The following PTPN13 variants were observed in gnomAD, a reference collection of about 807,000 sequenced individuals.
PTPN13 encodes tyrosine-protein phosphatase non-receptor type 13.
Under a neutral mutation model 284.0 loss-of-function variants are expected in PTPN13, and 191 were observed. That is an observed-to-expected ratio of 0.67 (90% CI 0.60 to 0.76). The LOEUF is 0.76. Ranked by LOEUF, PTPN13 falls within the 30% of genes least tolerant of loss-of-function variation. The probability of loss-of-function intolerance (pLI) is 0.00; values close to 1 mark genes in which losing one functional copy is unlikely to be tolerated. For missense variants in PTPN13, 2,797 were observed against 2,939.9 expected (o/e 0.95, Z 1.12); for synonymous variants, 986 against 1,022.3 (o/e 0.96, Z 0.68).
At chr4:86,757,713 G>A (rs1012125693) in intron 20 of PTPN13, among the ~76,000 whole-genome samples, 2 of 147,454 alleles carry the variant, frequency 1.4e-5, no homozygotes, top group South Asian at 2.1e-4. Flanking sequence ...ACAGTGAGCT[G>A]TGATTATGCC....
chr4:86,612,448 C>T (rs1720006099), intron 1 of PTPN13, among the ~76,000 whole-genome samples: 1 of 152,104 alleles, frequency 6.6e-6, no homozygotes, highest in East Asian at 1.9e-4. Flanking sequence ...CTTTAAGTAG[C>T]TCAACATATG....
intron 2 of PTPN13, among the ~76,000 whole-genome samples, chr4:86,662,579 C>G (rs898490396): frequency 3.9e-5 from 6 of 152,152 alleles, no homozygotes; most frequent in Admixed American, 3.9e-4. Context: ...ATCCACCTGC[C>G]TCGGCCTCCC....
rs1739113814 is a variant in PTPN13, at chr4:86,764,888, T to G, written c.4149+164T>G. On this transcript the variant is annotated intron_variant, in intron 25 of 47. Transcript: ENST00000411767. ...CTAAAAACTATTTTAAAAATTGTGTTAGTCACTTTTTCCTGTGATTTTAAA... is the reference window on the plus strand; with the variant it reads ...CTAAAAACTATTTTAAAAATTGTGTGAGTCACTTTTTCCTGTGATTTTAAA... The G allele has an allele frequency of 9.6e-6, 8 of 836,672 alleles. No individual in the cohort carries two copies. In the East Asian group the frequency reaches 9.7e-5, roughly 10 times the overall value. 51.8% of individuals were successfully genotyped at this position (836,672 alleles called of 1,614,324 possible).
Position 86,722,347 on chromosome 4 carries a change from C to T in PTPN13, c.1521C>T (p.Asp507=), listed in dbSNP as rs564742955. Residue 507 remains aspartate, a synonymous_variant, in exon 10 of 48, where the codon GAC becomes GAT. Transcript: ENST00000411767. ...RQSRLSLYPG[D]TIKASMLDIT... ...CTCGGTTGAGCCTATATCCAGGAGA[C>T]ACAATCAAAGCGTCCATGCTTGACA... The T allele has an allele frequency of 4.2e-5, 68 of 1,613,660 alleles. No individual in the cohort carries two copies. In the Admixed American group the frequency reaches 1.1e-3, roughly 26 times the overall value.
intron 28 of PTPN13, among the ~76,000 whole-genome samples, chr4:86,768,186 A>T (rs1243536443): frequency 1.3e-5 from 2 of 152,248 alleles, no homozygotes; most frequent in African/African-American, 4.8e-5. Context: ...TAATAAAGTC[A>T]TGCATGATTA....
intron 2 of PTPN13, among the ~76,000 whole-genome samples, chr4:86,665,162 C>T (rs1003336589): frequency 1.3e-5 from 2 of 152,120 alleles, no homozygotes; most frequent in Non-Finnish European, 2.9e-5. Flanking sequence ...TGATCAGTAG[C>T]CATACCAGCA....
chr4:86,616,114 C>T (rs2148642378), intron 1 of PTPN13, among the ~76,000 whole-genome samples: 1 of 152,270 alleles, frequency 6.6e-6, no homozygotes, highest in East Asian at 1.9e-4. Context: ...TATTGAGAAT[C>T]TGTTGTGTAC....
In PTPN13 at chr4:86,803,738, G is replaced by T; in HGVS notation, c.6535G>T (p.Ala2179Ser). ...DHSFLTNDEL[A>S]VLPVVKVLPS... ...TTCCTTTCTGACAAACGATGAGCTC[G>T]CTGTACTCCCTGTCGTCAAAGTGCT... Residue 2179 changes from alanine to serine, a missense_variant, in exon 43 of 48, where the codon GCT becomes TCT. Physicochemically the swap from Ala to Ser is moderately conservative, Grantham distance 99. Transcript: ENST00000411767. The T allele has an allele frequency of 6.2e-7, 1 of 1,613,660 alleles. No individual in the cohort carries two copies. The highest frequency in any genetic ancestry group is 8.5e-7 in the Non-Finnish European group (1 of 1,179,704).
Position 86,805,254 on chromosome 4 carries a change from A to G in PTPN13, c.6655-25A>G, listed in dbSNP as rs773406004. 11 of 1,477,894 alleles carry G rather than the reference A, an allele frequency of 7.4e-6. No individual in the cohort carries two copies. The Admixed American group carries it at 1.3e-4, about 18-fold the overall frequency. 91.5% of individuals were successfully genotyped at this position (1,477,894 alleles called of 1,614,324 possible). On this transcript the variant is annotated intron_variant, in intron 43 of 47. Coordinates refer to ENST00000411767, the MANE Select transcript of PTPN13 (RefSeq NM_080683.3). ...ACTGAATTACTGCTTATCTCAACAA[A>G]TTTATTTCCATGTTTTGCTTACAGA...
chr4:86,625,155 T>C (rs1293546459), intron 1 of PTPN13, among the ~76,000 whole-genome samples: 1 of 152,140 alleles, frequency 6.6e-6, no homozygotes, highest in Non-Finnish European at 1.5e-5. Context: ...TGACTTTACC[T>C]ATTGCTTACC....
chr4:86,727,265 T>A (rs1734384708), intron 10 of PTPN13, among the ~76,000 whole-genome samples: 1 of 149,694 alleles, frequency 6.7e-6, no homozygotes, highest in Admixed American at 6.7e-5. Flanking sequence ...GATATTGGTC[T>A]AAAATTCTCT....
At position 86,791,200 on chromosome 4, in the gene PTPN13, C is replaced by G. The variant is rs186898381; in HGVS notation, c.6345+5264C>G. ...CAGACCAGGAGATACTGTCCCATGT[C>G]TGGCTCAGCGGGTCCCAAGCCCACG... On this transcript the variant is annotated intron_variant, in intron 40 of 47. Transcript: ENST00000411767. Among the ~76,000 whole-genome samples the G allele has an allele frequency of 2.2e-3, 342 of 152,352 alleles. 1 individual carries two copies. The highest frequency in any genetic ancestry group is 3.7e-3 in the Non-Finnish European group (252 of 68,036).
At chr4:86,623,240 A>C (rs1019517441) in intron 1 of PTPN13, among the ~76,000 whole-genome samples, 1 of 152,118 alleles carries the variant, frequency 6.6e-6, no homozygotes, top group African/African-American at 2.4e-5. Context: ...GCAGTGGAAG[A>C]AAAGTTTGTT....
chr4:86,618,192 C>T (rs1338650216), intron 1 of PTPN13, among the ~76,000 whole-genome samples: 1 of 152,074 alleles, frequency 6.6e-6, no homozygotes, highest in East Asian at 1.9e-4. Flanking sequence ...GAATCGTTTC[C>T]CCATTTCTTG....
At chr4:86,800,107 G>A (rs1202478556) in intron 42 of PTPN13, among the ~76,000 whole-genome samples, 2 of 151,786 alleles carry the variant, frequency 1.3e-5, no homozygotes, top group African/African-American at 4.8e-5. Context: ...CAAAGTGCTG[G>A]GATTACAGGC....
intron 13 of PTPN13, 50 bp downstream of exon 13, chr4:86,734,506 G>T: frequency 7.0e-7 from 1 of 1,436,288 alleles, no homozygotes; most frequent in South Asian, 1.5e-5. Context: ...CTGGTCTTTT[G>T]ACCCTTTAGC....
Position 86,628,377 on chromosome 4 carries a change from T to A in PTPN13, c.-5-6875T>A, listed in dbSNP as rs553120766. 9.2e-5 allele frequency among the ~76,000 whole-genome samples: 14 copies of A among 152,258 alleles called. 1 individual carries two copies. The South Asian group carries it at 2.9e-3, about 32-fold the overall frequency. On this transcript the variant is annotated intron_variant, in intron 1 of 47. Coordinates refer to ENST00000411767, the MANE Select transcript of PTPN13 (RefSeq NM_080683.3). ...TTTGCCAGCCGTATATCTTCTCTGATGTCCATTCAAATCTAAAAAAAACTG... is the reference window on the plus strand; with the variant it reads ...TTTGCCAGCCGTATATCTTCTCTGAAGTCCATTCAAATCTAAAAAAAACTG...
At chr4:86,729,447 T>G (rs1357299860) in intron 10 of PTPN13, among the ~76,000 whole-genome samples, 1 of 149,796 alleles carries the variant, frequency 6.7e-6, no homozygotes, top group Non-Finnish European at 1.5e-5. Context: ...TCCAACTTGA[T>G]TCCATTTTCC....
At chr4:86,716,456 T>G in intron 7 of PTPN13, 74 bp from the exon 8 acceptor site, 1 of 904,030 alleles carries the variant, frequency 1.1e-6, no homozygotes, top group South Asian at 1.7e-5. Flanking sequence ...CCCACAGGAT[T>G]AAAATTAATA....
Sources: allele counts gnomAD v4.1 joint callset (sites outside exome capture counted in the v4.1 genomes callset), GRCh38; gene constraint gnomAD v4.1.1; transcripts MANE v1.5; gene names NCBI Gene and HGNC (gene_info 2026-07-23, HGNC 2026-07-21).